IKBKB-DT: variants seen among roughly 807,000 people sequenced by gnomAD.
IKBKB-DT encodes IKBKB divergent transcript, also known as IKBKB antisense RNA.
chr8:42,251,391 G>A (rs1807127073), intron 3 of IKBKB-DT, among the ~76,000 whole-genome samples: 2 of 152,272 alleles, frequency 1.3e-5, no homozygotes, highest in South Asian at 2.1e-4. Flanking sequence ...TCCTCAATAG[G>A]TTAGTGCAGG....
chr8:42,262,020 T>C (rs1314304461), intron 3 of IKBKB-DT, among the ~76,000 whole-genome samples: 4 of 152,008 alleles, frequency 2.6e-5, no homozygotes, highest in Non-Finnish European at 5.9e-5. Context: ...TAGCTGTCCC[T>C]GGGAGTGAAA....
At chr8:42,263,108 C>A (rs1261780664) in intron 3 of IKBKB-DT, among the ~76,000 whole-genome samples, 1 of 152,042 alleles carries the variant, frequency 6.6e-6, no homozygotes, top group Non-Finnish European at 1.5e-5. Context: ...AACTCCTGGG[C>A]TCAAGTGATG....
At chr8:42,264,348 G>C (rs117169307) in intron 2 of IKBKB-DT, among the ~76,000 whole-genome samples, 4,027 of 151,802 alleles carry the variant, frequency 0.027, 85 homozygotes, top group Non-Finnish European at 0.042. Flanking sequence ...TAGAGATGGG[G>C]TCTCCCTATA....
At chr8:42,251,080 T>C (rs1807123901) in intron 3 of IKBKB-DT, among the ~76,000 whole-genome samples, 1 of 150,916 alleles carries the variant, frequency 6.6e-6, no homozygotes, top group South Asian at 2.1e-4. Flanking sequence ...CTGGCCAACA[T>C]GGTGAAACCC....
Position 42,235,557 on chromosome 8 carries a change from T to C in IKBKB-DT, n.1530-1698A>G, listed in dbSNP as rs144269200. The stretch of plus-strand genomic sequence containing the variant: ...AGTTTTTGCATTTCTAACAACCAGA[T>C]GGCCCCACCCAGGAACTGACACAGC... On this transcript the variant is annotated intron_variant and non_coding_transcript_variant, in intron 3 of 3. Coordinates refer to ENST00000518213, the Ensembl canonical transcript of IKBKB-DT. Among the ~76,000 whole-genome samples, 243 of 152,270 alleles carry C rather than the reference T, an allele frequency of 1.6e-3. 6 individuals are homozygous for C. In the East Asian group the frequency reaches 0.045, roughly 28 times the overall value.
intron 3 of IKBKB-DT, among the ~76,000 whole-genome samples, chr8:42,241,984 C>T (rs891157502): frequency 2.6e-5 from 4 of 152,058 alleles, no homozygotes; most frequent in Non-Finnish European, 4.4e-5. Context: ...GAGGCCGAAG[C>T]GGGCGGATCA....
chr8:42,247,527 G>A (rs2129912812), intron 3 of IKBKB-DT, among the ~76,000 whole-genome samples: 1 of 152,170 alleles, frequency 6.6e-6, no homozygotes, highest in East Asian at 1.9e-4. Context: ...GACTCTGAGG[G>A]AAGACATGAT....
At chr8:42,248,094 GA>G (rs757622392) in intron 3 of IKBKB-DT, among the ~76,000 whole-genome samples, 1,618 of 131,740 alleles carry the variant, frequency 0.012, 24 homozygotes, top group African/African-American at 0.032. Flanking sequence ...CTCCGTCTCG[GA>G]AAAAAAAAAA....
chr8:42,251,606 T>C (rs1453194551), intron 3 of IKBKB-DT, among the ~76,000 whole-genome samples: 1 of 152,166 alleles, frequency 6.6e-6, no homozygotes, highest in African/African-American at 2.4e-5. Context: ...CTAACACTTA[T>C]GATTTATTCT....
intron 3 of IKBKB-DT, among the ~76,000 whole-genome samples, chr8:42,252,773 G>A (rs1019087911): frequency 6.6e-6 from 1 of 152,142 alleles, no homozygotes; most frequent in Non-Finnish European, 1.5e-5. Context: ...AATTCCAAAT[G>A]AATCATCATA....
At chr8:42,269,561 G>A (rs1035968944) in intron 1 of IKBKB-DT, among the ~76,000 whole-genome samples, 7 of 131,464 alleles carry the variant, frequency 5.3e-5, no homozygotes, top group South Asian at 2.8e-4. Context: ...CCAAGTAGCC[G>A]GGAAGGGAAG....
chr8:42,251,839 A>G lies in IKBKB-DT; in HGVS notation n.1529+11490T>C, dbSNP rs187721832. Among the ~76,000 whole-genome samples, 1,120 of 151,422 alleles carry G rather than the reference A, an allele frequency of 7.4e-3. 5 individuals carry two copies. The highest frequency in any genetic ancestry group is 0.01 in the Non-Finnish European group (713 of 67,944). ...GCAAGACTCCATCTCAAAAAAAAAAAAAAAGAAAAGAAAAGAAAAGTAACA... is the reference window on the plus strand; with the variant it reads ...GCAAGACTCCATCTCAAAAAAAAAAGAAAAGAAAAGAAAAGAAAAGTAACA... On this transcript the variant is annotated intron_variant and non_coding_transcript_variant, in intron 3 of 3. Transcript: ENST00000518213.
intron 3 of IKBKB-DT, among the ~76,000 whole-genome samples, chr8:42,258,017 A>ATT (rs1807230098): frequency 6.6e-6 from 1 of 151,984 alleles, no homozygotes; most frequent in Admixed American, 6.6e-5. Context: ...AACATGAAAC[A>ATT]CAGGAAATTA....
intron 3 of IKBKB-DT, among the ~76,000 whole-genome samples, chr8:42,262,005 A>G (rs1807295649): frequency 1.3e-5 from 2 of 152,360 alleles, no homozygotes; most frequent in African/African-American, 2.4e-5. Context: ...CAAACAGGAA[A>G]GCAATAGCTG....
At chr8:42,259,928 G>A (rs1005160601) in intron 3 of IKBKB-DT, among the ~76,000 whole-genome samples, 2 of 150,368 alleles carry the variant, frequency 1.3e-5, no homozygotes, top group Non-Finnish European at 2.9e-5. Context: ...GTTGCAGTGA[G>A]CTGAGATTGT....
chr8:42,267,300 T>C (rs1332963197), intron 1 of IKBKB-DT, among the ~76,000 whole-genome samples: 1 of 152,168 alleles, frequency 6.6e-6, no homozygotes, highest in East Asian at 1.9e-4. Flanking sequence ...GCCTGGCCCC[T>C]ACTTTCTTAA....
intron 3 of IKBKB-DT, among the ~76,000 whole-genome samples, chr8:42,255,974 C>T (rs1216471354): frequency 1.3e-5 from 2 of 149,088 alleles, no homozygotes; most frequent in Non-Finnish European, 3.0e-5. Flanking sequence ...TGCAGTGAGC[C>T]GAGATTGCAC....
rs190418084 is a variant in IKBKB-DT at position 42,267,527 on chromosome 8, T to G, written n.604-1131A>C. Among the ~76,000 whole-genome samples, 215 of 152,212 alleles carry G rather than the reference T, an allele frequency of 1.4e-3. 2 individuals carry two copies. The highest frequency in any genetic ancestry group is 5.1e-4 in the Non-Finnish European group (35 of 68,010). ...GTGGGTCTTAAAAACCCAGTAAGAT[T>G]CTAAGTGCCTCTGATGAGATCTCAT... On this transcript the variant is annotated intron_variant and non_coding_transcript_variant, in intron 1 of 3. Coordinates refer to ENST00000518213, the Ensembl canonical transcript of IKBKB-DT.
intron 1 of IKBKB-DT, among the ~76,000 whole-genome samples, chr8:42,267,573 G>A (rs1387818743): frequency 6.6e-6 from 1 of 151,986 alleles, no homozygotes; most frequent in African/African-American, 2.4e-5. Context: ...GGATCCCCTG[G>A]GTCAGTAATG....
Sources: allele counts gnomAD v4.1 joint callset (sites outside exome capture counted in the v4.1 genomes callset), GRCh38; gene constraint gnomAD v4.1.1; transcripts MANE v1.5; gene names NCBI Gene and HGNC (gene_info 2026-07-23, HGNC 2026-07-21).